The following ERG variants were observed in gnomAD, a reference collection of about 807,000 sequenced individuals.
ERG encodes the protein transcriptional regulator ERG.
In ERG, 9 loss-of-function variants were observed where a neutral mutation model predicts 55.3. The ratio of observed to expected loss-of-function variants is 0.16; its 90% CI spans 0.10 to 0.28. The LOEUF is 0.28. Among genes scored for constraint, ERG ranks in the 10% least tolerant of loss-of-function variants. The pLI, the probability that ERG is intolerant of heterozygous loss-of-function variation, is 1.00. For missense variants in ERG, 434 were observed against 631.6 expected (o/e 0.69, Z 3.35); for synonymous variants, 223 against 237.3 (o/e 0.94, Z 0.55).
intron 1 of ERG, among the ~76,000 whole-genome samples, chr21:38,491,017 T>C (rs1244825585): frequency 6.6e-6 from 1 of 152,120 alleles, no homozygotes; most frequent in Non-Finnish European, 1.5e-5. Flanking sequence ...GGCACACATA[T>C]CGTATGGATC....
chr21:38,528,604 C>T (rs1312399485), intron 2 of ERG, among the ~76,000 whole-genome samples: 1 of 94,790 alleles, frequency 1.1e-5, no homozygotes, highest in Non-Finnish European at 2.4e-5. Flanking sequence ...CCCGCCACTA[C>T]GCCCGGCTAA....
intron 1 of ERG, among the ~76,000 whole-genome samples, chr21:38,643,977 G>C (rs951127758): frequency 2.6e-5 from 4 of 152,216 alleles, no homozygotes; most frequent in African/African-American, 9.7e-5. Flanking sequence ...GGTCCCAAGG[G>C]ACAGTCCCCT....
chr21:38,531,587 T>G (rs1411255945), intron 2 of ERG, among the ~76,000 whole-genome samples: 2 of 152,220 alleles, frequency 1.3e-5, no homozygotes, highest in African/African-American at 4.8e-5. Context: ...GTTTCATAAA[T>G]CTGGCTTAGA....
At chr21:38,516,494 G>A (rs946108555) in intron 2 of ERG, among the ~76,000 whole-genome samples, 1 of 151,904 alleles carries the variant, frequency 6.6e-6, no homozygotes, top group African/African-American at 2.4e-5. Flanking sequence ...GACACTGCAT[G>A]GTCATGGATC....
chr21:38,454,657 TC>T (rs2058971441), intron 1 of ERG, among the ~76,000 whole-genome samples: 1 of 152,226 alleles, frequency 6.6e-6, no homozygotes, highest in South Asian at 2.1e-4. Context: ...ATTTAAATTA[TC>T]ATATGATAGA....
intron 2 of ERG, among the ~76,000 whole-genome samples, chr21:38,522,740 A>T (rs548996124): frequency 6.6e-6 from 1 of 152,356 alleles, no homozygotes; most frequent in South Asian, 2.1e-4. Flanking sequence ...CCTGTCTCAT[A>T]AATCAATTTC....
intron 1 of ERG, among the ~76,000 whole-genome samples, chr21:38,457,194 T>G (rs1338523388): frequency 6.6e-6 from 1 of 152,074 alleles, no homozygotes; most frequent in East Asian, 1.9e-4. Flanking sequence ...CCCAGCACTT[T>G]GGGAGGTGGA....
chr21:38,435,917 T>C (rs1400924092), intron 2 of ERG, among the ~76,000 whole-genome samples: 1 of 152,204 alleles, frequency 6.6e-6, no homozygotes, highest in Non-Finnish European at 1.5e-5. Flanking sequence ...GACTCCTTTT[T>C]CAGAGAAGAA....
At chr21:38,627,292 T>C (rs460049) in intron 1 of ERG, among the ~76,000 whole-genome samples, 20,229 of 152,080 alleles carry the variant, frequency 0.13, 1,728 homozygotes, top group East Asian at 0.3. Flanking sequence ...AAAACTACAT[T>C]AAAGAAGTCT....
chr21:38,498,766 C>T (rs979024134), upstream of ERG, among the ~76,000 whole-genome samples: 6 of 152,224 alleles, frequency 3.9e-5, no homozygotes, highest in South Asian at 2.1e-4. This position sits in a 1 kb window ranked among gnomAD's most constrained non-coding sequence, Gnocchi z 4.6. Flanking sequence ...GATGGGACTC[C>T]GCATGGCTTC....
rs142214148 is a variant in ERG, at chr21:38,598,558, G to A, written c.-149-13613C>T. Reference sequence around the variant, plus strand: ...AATGGGACATTTCCTGCCATCGGCTGAGGCTCAGAATAGCACACAGAGCAC... The same window carrying A: ...AATGGGACATTTCCTGCCATCGGCTAAGGCTCAGAATAGCACACAGAGCAC... On this transcript the variant is annotated intron_variant, in intron 1 of 10. Coordinates refer to the ERG transcript ENST00000398910. Among the ~76,000 whole-genome samples the A allele has an allele frequency of 1.1e-4, 17 of 152,332 alleles. No individual in the cohort carries two copies. The East Asian group carries it at 2.1e-3, about 19-fold the overall frequency.
At chr21:38,651,260 C>G (rs2060487159) in intron 1 of ERG, among the ~76,000 whole-genome samples, 1 of 152,204 alleles carries the variant, frequency 6.6e-6, no homozygotes, top group Non-Finnish European at 1.5e-5. Flanking sequence ...CTATTGCTAT[C>G]ATATCTGGTT....
intron 1 of ERG, among the ~76,000 whole-genome samples, chr21:38,582,380 T>C (rs2060035822): frequency 1.3e-5 from 2 of 152,210 alleles, no homozygotes; most frequent in African/African-American, 4.8e-5. Context: ...AATTGAACTG[T>C]TGGACACCCA....
chr21:38,478,072 T>C (rs111968890), intron 1 of ERG, among the ~76,000 whole-genome samples: 5,086 of 152,282 alleles, frequency 0.033, 183 homozygotes, highest in East Asian at 0.13. Context: ...AGAGACGTGT[T>C]TGCACACAAC....
At chr21:38,599,530 C>T (rs956871869) in intron 1 of ERG, among the ~76,000 whole-genome samples, 1 of 152,214 alleles carries the variant, frequency 6.6e-6, no homozygotes, top group Non-Finnish European at 1.5e-5. Context: ...TGTCTTCCTG[C>T]TCCAACCCTG....
intron 2 of ERG, among the ~76,000 whole-genome samples, chr21:38,436,246 C>A (rs558928692): frequency 6.6e-6 from 1 of 151,876 alleles, no homozygotes; most frequent in East Asian, 1.9e-4. Context: ...CCTGACCCAC[C>A]TATTATTTTT....
At chr21:38,386,615 G>C (rs947839731) in intron 9 of ERG, among the ~76,000 whole-genome samples, 2 of 152,154 alleles carry the variant, frequency 1.3e-5, no homozygotes, top group African/African-American at 2.4e-5. Flanking sequence ...ATATAGAATA[G>C]AGATTTCCAA....
At chr21:38,596,565 A>T (rs1035370177) in intron 1 of ERG, among the ~76,000 whole-genome samples, 1 of 152,210 alleles carries the variant, frequency 6.6e-6, no homozygotes, top group Non-Finnish European at 1.5e-5. Context: ...ACCGTGTGAC[A>T]CTTGATTACT....
chr21:38,492,284 T>A (rs1018604246), intron 1 of ERG, among the ~76,000 whole-genome samples: 1 of 152,220 alleles, frequency 6.6e-6, no homozygotes, highest in African/African-American at 2.4e-5. Flanking sequence ...ACTTGGCACA[T>A]AACAAGCAGT....
Sources: allele counts gnomAD v4.1 joint callset (sites outside exome capture counted in the v4.1 genomes callset), GRCh38; gene constraint gnomAD v4.1.1; non-coding constraint Gnocchi (gnomAD v3.1); transcripts MANE v1.5; gene names NCBI Gene and HGNC (gene_info 2026-07-23, HGNC 2026-07-21).